MPPED2: variants seen among roughly 807,000 people sequenced by gnomAD.
MPPED2 encodes metallophosphoesterase MPPED2.
In MPPED2, 5 loss-of-function variants were observed where a neutral mutation model predicts 33.0. The ratio of observed to expected loss-of-function variants is 0.15; its 90% confidence interval spans 0.08 to 0.32. MPPED2 has a LOEUF of 0.32. MPPED2 is among the 10% of genes least tolerant of loss of function. The pLI is 1.00. For synonymous variants in MPPED2, 136 were observed against 141.9 expected (o/e 0.96, Z 0.29); for missense variants, 275 against 372.1 (o/e 0.74, Z 2.15).
In MPPED2 at chr11:30,558,619, G is replaced by C. The variant is rs567560938; in HGVS notation, c.128+21627C>G. The stretch of plus-strand genomic sequence containing the variant: ...TAATTTTTGATAGAGACAGGGTCTT[G>C]CTATGTTGCCCAGGGTAGTCTCAAA... On this transcript the variant is annotated intron_variant, in intron 2 of 6. Coordinates refer to ENST00000358117, the MANE Select transcript of MPPED2 (RefSeq NM_001584.3). 4.7e-5 allele frequency among the ~76,000 whole-genome samples: 7 copies of C among 150,112 alleles called. No homozygotes were observed. In the East Asian group the frequency reaches 9.8e-4, roughly 21 times the overall value.
chr11:30,422,912 CT>C (rs1217042708), intron 4 of MPPED2, among the ~76,000 whole-genome samples: 2 of 152,142 alleles, frequency 1.3e-5, no homozygotes, highest in Admixed American at 1.3e-4. Flanking sequence ...GCTGGGGATG[CT>C]TTCAAAGCAC....
At chr11:30,533,657 A>T (rs954588293) in intron 3 of MPPED2, among the ~76,000 whole-genome samples, 2 of 152,002 alleles carry the variant, frequency 1.3e-5, no homozygotes, top group African/African-American at 4.8e-5. Context: ...GGTAACAGTG[A>T]GCTATTCTTG....
chr11:30,429,814 C>T (rs190296637), intron 4 of MPPED2, among the ~76,000 whole-genome samples: 146 of 152,304 alleles, frequency 9.6e-4, no homozygotes, highest in African/African-American at 3.4e-3. Context: ...CCCCAAGAAG[C>T]TTTCCCCAAT....
rs771487312 is a variant in MPPED2, at chr11:30,580,472, C to A, written c.-99G>T. ...GCCAACCTCTGAATCCAAGGATCTA[C>A]TCATCAATACCGCTGTGCATTTCTG... is the stretch of plus-strand genomic sequence containing the variant. On this transcript the variant is annotated 5_prime_UTR_variant, in exon 2 of 7. Coordinates refer to ENST00000358117, the MANE Select transcript of MPPED2 (RefSeq NM_001584.3). 1.3e-6 allele frequency: 2 copies of A among 1,517,432 alleles called. No individual in the cohort carries two copies. Among genetic ancestry groups the A allele is most frequent in the South Asian group, 1.3e-5 (1 of 74,218 alleles). 94.0% of individuals were successfully genotyped at this position (1,517,432 alleles called of 1,614,324 possible).
intron 4 of MPPED2, among the ~76,000 whole-genome samples, chr11:30,427,992 T>C (rs997753392): frequency 6.6e-6 from 1 of 152,202 alleles, no homozygotes; most frequent in Non-Finnish European, 1.5e-5. Context: ...GTTTCTTCCC[T>C]AGCTACATCC....
intron 4 of MPPED2, chr11:30,469,092 T>G (rs1950842442): frequency 6.6e-6 from 1 of 152,194 alleles, no homozygotes; most frequent in Non-Finnish European, 1.5e-5. Flanking sequence ...AAAAATAGAA[T>G]TACAATGCCC....
At chr11:30,488,644 TG>T (rs1477084867) in intron 4 of MPPED2, among the ~76,000 whole-genome samples, 1 of 152,222 alleles carries the variant, frequency 6.6e-6, no homozygotes, top group Non-Finnish European at 1.5e-5. Flanking sequence ...ACAGGGCAGT[TG>T]TTAAACCAGA....
At chr11:30,460,142 A>AT (rs1160478710) in intron 4 of MPPED2, among the ~76,000 whole-genome samples, 1 of 152,132 alleles carries the variant, frequency 6.6e-6, no homozygotes, top group East Asian at 1.9e-4. Context: ...TGCTTATAGC[A>AT]TTTTCTGTTT....
chr11:30,409,353 G>A (rs768420153), downstream of MPPED2, among the ~76,000 whole-genome samples: 7 of 152,062 alleles, frequency 4.6e-5, no homozygotes, highest in Non-Finnish European at 7.4e-5. Flanking sequence ...CACCTCTTTC[G>A]GTCCATGTTA....
chr11:30,564,387 G>A (rs533796033), intron 2 of MPPED2, among the ~76,000 whole-genome samples: 14 of 152,204 alleles, frequency 9.2e-5, no homozygotes, highest in East Asian at 7.7e-4. Flanking sequence ...AACTTACTAC[G>A]TCCCCAGAAA....
intron 3 of MPPED2, among the ~76,000 whole-genome samples, chr11:30,503,823 A>C (rs1952679281): frequency 6.6e-6 from 1 of 152,162 alleles, no homozygotes; most frequent in South Asian, 2.1e-4. Context: ...ATTCTATAGC[A>C]GGAGGAAAAA....
At chr11:30,415,060 G>T (rs886159128) in intron 5 of MPPED2, among the ~76,000 whole-genome samples, 1 of 152,126 alleles carries the variant, frequency 6.6e-6, no homozygotes. Context: ...GAATCCATAC[G>T]CCTCAGCAGG....
chr11:30,444,766 T>C (rs556313049), intron 4 of MPPED2, among the ~76,000 whole-genome samples: 1 of 152,202 alleles, frequency 6.6e-6, no homozygotes, highest in South Asian at 2.1e-4. Flanking sequence ...AGCTAAAAAA[T>C]ATTTGCAGTA....
chr11:30,411,003 T>C lies in MPPED2; in HGVS notation c.*465A>G, dbSNP rs1386570376. ...GATTGCTATAAATTGGGACCACATC[T>C]GCAAAAAAGAAGCATTACCAAGAAA... On this transcript the variant is annotated 3_prime_UTR_variant, in exon 7 of 7. Transcript: ENST00000358117. 1 of 985,612 alleles carries C rather than the reference T, an allele frequency of 1.0e-6. No individual in the cohort carries two copies. The highest frequency in any genetic ancestry group is 1.2e-6 in the Non-Finnish European group (1 of 829,938). The allele number at this position is 985,612 out of a possible 1,614,324, so 61.1% of individuals were successfully genotyped here.
intron 4 of MPPED2, among the ~76,000 whole-genome samples, chr11:30,484,504 C>A (rs1951631995): frequency 6.6e-6 from 1 of 152,128 alleles, no homozygotes; most frequent in South Asian, 2.1e-4. Context: ...TTCTGCTAAA[C>A]CCAGAAACTT....
chr11:30,504,501 G>A (rs964401455), intron 3 of MPPED2, among the ~76,000 whole-genome samples: 2 of 152,144 alleles, frequency 1.3e-5, no homozygotes, highest in Non-Finnish European at 1.5e-5. Context: ...TGAGGAGGCA[G>A]AGCCAACTTT....
intron 6 of MPPED2, among the ~76,000 whole-genome samples, chr11:30,413,539 T>A (rs1338034851): frequency 6.6e-6 from 1 of 152,194 alleles, no homozygotes; most frequent in Admixed American, 6.5e-5. Context: ...TGAACCTGAC[T>A]CAGCTTACCT....
At chr11:30,469,859 G>T (rs984229260) in intron 4 of MPPED2, among the ~76,000 whole-genome samples, 2 of 152,110 alleles carry the variant, frequency 1.3e-5, no homozygotes, top group Non-Finnish European at 2.9e-5. Flanking sequence ...CCCTAAAGGA[G>T]CATGGTCTGA....
At chr11:30,428,833 T>C (rs1038643555) in intron 4 of MPPED2, 4 of 152,204 alleles carry the variant, frequency 2.6e-5, no homozygotes, top group African/African-American at 7.2e-5. Flanking sequence ...AATTAAATGG[T>C]GACTCTTATC....
Sources: gnomAD v4.1 joint callset for allele counts (sites outside exome capture counted in the v4.1 genomes callset) on GRCh38, gnomAD v4.1.1 for gene constraint, MANE v1.5 for transcripts, NCBI Gene and HGNC (gene_info 2026-07-23, HGNC 2026-07-21) for gene names.